The following PPARGC1A variants were observed in gnomAD, a reference collection of about 807,000 sequenced individuals.
The protein encoded by PPARGC1A is PPARG coactivator 1 alpha.
In PPARGC1A, 25 loss-of-function variants were observed where a neutral mutation model predicts 88.7. That is an observed-to-expected ratio of 0.28 (90% CI 0.21 to 0.39). PPARGC1A has a LOEUF of 0.39. PPARGC1A is among the 10% of genes least tolerant of loss of function. The pLI, the probability that PPARGC1A is intolerant of heterozygous loss-of-function variation, is 1.00. For missense variants in PPARGC1A, 880 were observed against 968.7 expected, an observed-to-expected ratio of 0.91 and a Z score of 1.22; for synonymous variants, 363 against 355.6, an observed-to-expected ratio of 1.02 and a Z score of -0.24.
At chr4:24,095,168 A>G in the PPARGC1A span, among the ~76,000 whole-genome samples, 2 of 132,326 alleles carry the variant, frequency 1.5e-5, no homozygotes, top group Non-Finnish European at 3.1e-5. Context: ...CCCAGGCTGG[A>G]GTGCAGTGGC....
chr4:23,995,964 C>G, the PPARGC1A span, among the ~76,000 whole-genome samples: 1 of 152,182 alleles, frequency 6.6e-6, no homozygotes, highest in Non-Finnish European at 1.5e-5. Flanking sequence ...GGACACCTGA[C>G]AGTAAGCCAA....
At chr4:23,800,632 G>A (rs1015097237) in intron 12 of PPARGC1A, among the ~76,000 whole-genome samples, 1 of 151,036 alleles carries the variant, frequency 6.6e-6, no homozygotes, top group Non-Finnish European at 1.5e-5. Flanking sequence ...AAATTCAACT[G>A]TAAGAAATTA....
At chr4:24,020,364 C>T in the PPARGC1A span, among the ~76,000 whole-genome samples, 1 of 152,012 alleles carries the variant, frequency 6.6e-6, no homozygotes, top group African/African-American at 2.4e-5. Context: ...AGGATTTTTC[C>T]CCTTGCTTTT....
At chr4:24,156,465 A>G in the PPARGC1A span, among the ~76,000 whole-genome samples, 1 of 152,118 alleles carries the variant, frequency 6.6e-6, no homozygotes, top group Non-Finnish European at 1.5e-5. Context: ...ATTTTTTGGT[A>G]ACAGTTAGGA....
chr4:24,184,989 C>T, the PPARGC1A span, among the ~76,000 whole-genome samples: 2 of 152,178 alleles, frequency 1.3e-5, no homozygotes, highest in African/African-American at 4.8e-5. Context: ...TTGAAAGGCA[C>T]TGTTTTCTGA....
the PPARGC1A span, among the ~76,000 whole-genome samples, chr4:24,294,177 G>A: frequency 6.6e-6 from 1 of 152,142 alleles, no homozygotes; most frequent in African/African-American, 2.4e-5. Flanking sequence ...TCAGGGGCCC[G>A]TTGCCCAGGA....
At chr4:23,830,150 T>A (rs1724744104) in intron 3 of PPARGC1A, among the ~76,000 whole-genome samples, 1 of 152,214 alleles carries the variant, frequency 6.6e-6, no homozygotes, top group Non-Finnish European at 1.5e-5. Flanking sequence ...AAAGATTTTG[T>A]GATGCTTTGA....
At chr4:24,173,319 A>G in the PPARGC1A span, among the ~76,000 whole-genome samples, 2 of 147,966 alleles carry the variant, frequency 1.4e-5, no homozygotes, top group East Asian at 4.0e-4. Flanking sequence ...TGGACTGGAC[A>G]AATAAGTCCT....
chr4:24,072,373 C>T, the PPARGC1A span, among the ~76,000 whole-genome samples: 8 of 151,802 alleles, frequency 5.3e-5, no homozygotes, highest in South Asian at 1.7e-3. Context: ...TGATTTTACA[C>T]ATATTTCCCA....
At position 23,850,104 on chromosome 4, in the gene PPARGC1A, CTGTT is replaced by C. The variant is rs534994355; in HGVS notation, c.235-18357_235-18354del. 6.3e-4 allele frequency among the ~76,000 whole-genome samples: 96 copies of C among 152,288 alleles called. No homozygotes were observed. The Middle Eastern group carries it at 0.014, about 22-fold the overall frequency. ...AATGAAATACTCTTTTCATATCACA[CTGTT>C]TGTTTGAGCTACGGGCTTCAGGAAA... On this transcript the variant is annotated intron_variant, in intron 2 of 12. Transcript: ENST00000264867.
the PPARGC1A span, among the ~76,000 whole-genome samples, chr4:24,082,858 C>T: frequency 6.6e-6 from 1 of 152,030 alleles, no homozygotes; most frequent in African/African-American, 2.4e-5. Context: ...ATGTGGGATA[C>T]AGGAGTACAG....
the PPARGC1A span, among the ~76,000 whole-genome samples, chr4:23,988,430 C>T: frequency 6.6e-6 from 1 of 152,110 alleles, no homozygotes; most frequent in Admixed American, 6.6e-5. Context: ...TATTTCTCCA[C>T]ATTCCCCCAG....
chr4:24,416,522 C>T, the PPARGC1A span, among the ~76,000 whole-genome samples: 1 of 152,104 alleles, frequency 6.6e-6, no homozygotes, highest in South Asian at 2.1e-4. Context: ...GACCTGACTG[C>T]ACTTGGCAAG....
chr4:24,150,955 A>C, the PPARGC1A span, among the ~76,000 whole-genome samples: 1 of 152,114 alleles, frequency 6.6e-6, no homozygotes, highest in Admixed American at 6.6e-5. Context: ...TGTCCCAAAT[A>C]TGCCTATGCT....
the PPARGC1A span, among the ~76,000 whole-genome samples, chr4:24,392,716 G>A: frequency 1.3e-3 from 202 of 152,190 alleles, 2 homozygotes; most frequent in Non-Finnish European, 1.6e-3. Context: ...CTTTCTGGAA[G>A]ACAACATGGG....
chr4:23,966,985 G>A, the PPARGC1A span, among the ~76,000 whole-genome samples: 1 of 152,130 alleles, frequency 6.6e-6, no homozygotes, highest in Non-Finnish European at 1.5e-5. Flanking sequence ...AGAAATCTCT[G>A]TCCCTGCCTA....
rs923232330 is a variant in PPARGC1A at position 23,873,034 on chromosome 4, C to CA, written c.234+11717dup. On this transcript the variant is annotated intron_variant, in intron 2 of 12. Coordinates refer to ENST00000264867, the MANE Select transcript of PPARGC1A (RefSeq NM_013261.5). Reference sequence around the variant, plus strand: ...TGAAACCCCGTCTCTACTAAAAATACAAAAAAAAAATTAGCCAGTCATGGT... The same window carrying CA: ...TGAAACCCCGTCTCTACTAAAAATACAAAAAAAAAAATTAGCCAGTCATGGT... Among the ~76,000 whole-genome samples, 391 of 146,606 alleles carry CA rather than the reference C, an allele frequency of 2.7e-3. 1 individual carries two copies. Among genetic ancestry groups the CA allele is most frequent in the African/African-American group, 7.9e-3 (316 of 40,200 alleles).
At chr4:23,844,003 G>A (rs1052010122) in intron 2 of PPARGC1A, among the ~76,000 whole-genome samples, 21 of 151,206 alleles carry the variant, frequency 1.4e-4, no homozygotes, top group African/African-American at 4.1e-4. Flanking sequence ...ATTTATGTGC[G>A]TATTTACAAA....
At chr4:24,062,228 T>G in the PPARGC1A span, among the ~76,000 whole-genome samples, 1 of 152,216 alleles carries the variant, frequency 6.6e-6, no homozygotes, top group Non-Finnish European at 1.5e-5. Context: ...GCCCTGCATG[T>G]GACAATGACA....
Sources: gnomAD v4.1 joint callset for allele counts (sites outside exome capture counted in the v4.1 genomes callset) on GRCh38, gnomAD v4.1.1 for gene constraint, MANE v1.5 for transcripts, NCBI Gene and HGNC (gene_info 2026-07-23, HGNC 2026-07-21) for gene names.